The following NFIA variants were observed in gnomAD, a reference collection of about 807,000 sequenced individuals.
The protein encoded by NFIA is nuclear factor 1 A-type.
Under a neutral mutation model 62.8 loss-of-function variants are expected in NFIA, and 8 were observed. That is an observed-to-expected ratio of 0.13 (90% CI 0.07 to 0.23). NFIA has a LOEUF of 0.23. Ranked by LOEUF, NFIA falls within the 10% of genes least tolerant of loss-of-function variation. The pLI is 1.00. For synonymous variants in NFIA, 235 were observed against 238.1 expected (o/e 0.99, Z 0.12); for missense variants, 410 against 642.1 (o/e 0.64, Z 3.91).
At chr1:61,332,267 AT>A (rs529303535) in intron 3 of NFIA, among the ~76,000 whole-genome samples, 1 of 151,920 alleles carries the variant, frequency 6.6e-6, no homozygotes, top group Non-Finnish European at 1.5e-5. Context: ...TTCCGGTTGA[AT>A]TTTTTTTAAC....
At chr1:61,336,436 C>T (rs1329719453) in intron 4 of NFIA, among the ~76,000 whole-genome samples, 4 of 152,102 alleles carry the variant, frequency 2.6e-5, no homozygotes, top group Non-Finnish European at 1.5e-5. Context: ...CCGTATACCC[C>T]TCCTCCAAAA....
At chr1:61,329,842 A>G (rs898366930) in intron 3 of NFIA, among the ~76,000 whole-genome samples, 2 of 152,150 alleles carry the variant, frequency 1.3e-5, no homozygotes, top group Non-Finnish European at 2.9e-5. Context: ...TAAAGGGTGG[A>G]GAGGGGATTG....
At position 61,406,641 on chromosome 1, in the gene NFIA, T is replaced by C. The variant is rs1369153447; in HGVS notation, c.1334T>C (p.Met445Thr). The change falls in exon 9 of 11, where the codon ATG (methionine) becomes ACG (threonine). Residue 445 changes from methionine (M) to threonine (T), a missense_variant. Around this residue, in one of 3 missense-constraint regions of NFIA, gnomAD observed 298 missense variants for 438.1 expected, o/e 0.68. Coordinates refer to ENST00000403491, the MANE Select transcript of NFIA (RefSeq NM_001134673.4). ...TTGCCACCGCCACCGCCACCACCGATGGCCAGGCCTGTGCCTCTGCCGGTG... is the reference window on the plus strand; with the variant it reads ...TTGCCACCGCCACCGCCACCACCGACGGCCAGGCCTGTGCCTCTGCCGGTG... ...PMLPPPPPPP[M>T]ARPVPLPVPD... 1 of 1,445,748 alleles carries C rather than the reference T, an allele frequency of 6.9e-7. No individual in the cohort carries two copies. The highest frequency in any genetic ancestry group is 1.5e-5 in the African/African-American group (1 of 67,638). 89.6% of individuals were successfully genotyped at this position (1,445,748 alleles called of 1,614,324 possible).
intron 3 of NFIA, among the ~76,000 whole-genome samples, chr1:61,310,377 A>G (rs892373938): frequency 1.3e-5 from 2 of 152,148 alleles, no homozygotes; most frequent in African/African-American, 4.8e-5. Flanking sequence ...ACTCTTCAGC[A>G]CTTTACCCAA....
At chr1:61,094,638 A>C (rs867880837) in intron 2 of NFIA, among the ~76,000 whole-genome samples, 22 of 152,110 alleles carry the variant, frequency 1.4e-4, no homozygotes, top group African/African-American at 5.1e-4. Flanking sequence ...AGTATTGTCA[A>C]ATTTTTGGCT....
At chr1:61,202,556 T>C (rs12118862) in intron 2 of NFIA, among the ~76,000 whole-genome samples, 2,416 of 152,334 alleles carry the variant, frequency 0.016, 35 homozygotes, top group Non-Finnish European at 0.025. Flanking sequence ...AGAAATATCA[T>C]AAATTATTAC....
At chr1:61,220,915 CAT>C (rs957175099) in intron 2 of NFIA, among the ~76,000 whole-genome samples, 6 of 152,190 alleles carry the variant, frequency 3.9e-5, no homozygotes, top group Non-Finnish European at 8.8e-5. Context: ...TATAAATCCA[CAT>C]GTTAAATATT....
intron 2 of NFIA, among the ~76,000 whole-genome samples, chr1:61,131,137 C>A (rs779794879): frequency 3.8e-4 from 56 of 146,864 alleles, no homozygotes; most frequent in Admixed American, 8.1e-4. Context: ...TAAAACATTT[C>A]TTTTAAAAAA....
At chr1:61,191,537 A>G (rs1342498619) in intron 2 of NFIA, among the ~76,000 whole-genome samples, 1 of 152,088 alleles carries the variant, frequency 6.6e-6, no homozygotes, top group Non-Finnish European at 1.5e-5. Context: ...GCACCAATTC[A>G]ATTAGGCAGG....
Position 61,457,636 on chromosome 1 carries a change from T to A in NFIA, c.*2316T>A. The A allele has an allele frequency of 6.6e-6, 1 of 151,956 alleles. No homozygotes were observed. The highest frequency in any genetic ancestry group is 2.1e-4 in the South Asian group (1 of 4,814). 9.4% of individuals were successfully genotyped at this position (151,956 alleles called of 1,614,324 possible). ...TAGCAATTATTAATTTTTCTTTTAT[T>A]TTTTTTTATTTGACCAAAGTCGGTG... On this transcript the variant is annotated 3_prime_UTR_variant, in exon 11 of 11. Transcript: ENST00000403491. This position sits in a 1 kb window ranked among gnomAD's most constrained non-coding sequence, Gnocchi z 4.2.
chr1:61,362,841 A>T (rs1663372939), intron 6 of NFIA, among the ~76,000 whole-genome samples: 1 of 152,234 alleles, frequency 6.6e-6, no homozygotes, highest in Non-Finnish European at 1.5e-5. Context: ...TCATGAATTG[A>T]CAAAACGAGT....
intron 2 of NFIA, among the ~76,000 whole-genome samples, chr1:61,183,053 C>T (rs1393940572): frequency 6.6e-6 from 1 of 152,020 alleles, no homozygotes; most frequent in Non-Finnish European, 1.5e-5. Flanking sequence ...GGCAGCTTCT[C>T]TTATTTCTAC....
At chr1:61,421,431 G>A (rs1666615605) in intron 9 of NFIA, among the ~76,000 whole-genome samples, 1 of 152,196 alleles carries the variant, frequency 6.6e-6, no homozygotes. Context: ...TTAAGGGAAT[G>A]AAGAGGGGGT....
intron 9 of NFIA, among the ~76,000 whole-genome samples, chr1:61,407,771 G>C (rs914785357): frequency 1.3e-5 from 2 of 152,232 alleles, no homozygotes; most frequent in African/African-American, 2.4e-5. Flanking sequence ...TAGGAAAGGA[G>C]TGTTAAGGCC....
intron 7 of NFIA, among the ~76,000 whole-genome samples, chr1:61,392,938 C>G (rs558646701): frequency 3.4e-4 from 51 of 152,230 alleles, no homozygotes; most frequent in Non-Finnish European, 6.0e-4. Flanking sequence ...CCTATGTGTC[C>G]CAGTGGTGCA....
At chr1:61,116,666 A>C (rs1036904994) in intron 2 of NFIA, among the ~76,000 whole-genome samples, 1 of 152,168 alleles carries the variant, frequency 6.6e-6, no homozygotes, top group Non-Finnish European at 1.5e-5. Flanking sequence ...TAAATTATCA[A>C]CGATGACTGC....
intron 8 of NFIA, 64 bp downstream of exon 8, chr1:61,404,346 G>A (rs747091228): frequency 2.8e-5 from 41 of 1,447,782 alleles, no homozygotes; most frequent in Non-Finnish European, 3.6e-5. Flanking sequence ...ATAACAAGGG[G>A]AGACCTTATG....
chr1:61,106,447 C>CT (rs1646602799), intron 2 of NFIA, among the ~76,000 whole-genome samples: 4 of 151,864 alleles, frequency 2.6e-5, no homozygotes, highest in Non-Finnish European at 1.5e-5. Flanking sequence ...TAGATTTTAA[C>CT]TACAAATTAT....
chr1:61,099,332 A>G (rs1322360388), intron 2 of NFIA, among the ~76,000 whole-genome samples: 2 of 152,142 alleles, frequency 1.3e-5, no homozygotes, highest in African/African-American at 4.8e-5. Context: ...ATTGGAGAGG[A>G]ACATAGATTC....
Sources: gnomAD v4.1 joint callset for allele counts (sites outside exome capture counted in the v4.1 genomes callset) on GRCh38, gnomAD v4.1.1 for gene constraint, gnomAD v4.1.1 regional missense constraint, Gnocchi (gnomAD v3.1) non-coding constraint, MANE v1.5 for transcripts, NCBI Gene and HGNC (gene_info 2026-07-23, HGNC 2026-07-21) for gene names.